The following GPR39 variants were observed in gnomAD, a reference collection of about 807,000 sequenced individuals.
The protein encoded by GPR39 is zinc sensing receptor.
In GPR39, 23 loss-of-function variants were observed where a neutral mutation model predicts 18.4. The ratio of observed to expected loss-of-function variants is 1.25; its 90% CI spans 0.90 to 1.77. The LOEUF (loss-of-function observed/expected upper bound fraction) is 1.77. Ranked by LOEUF, GPR39 falls within the 40% of genes most tolerant of loss-of-function variation. The pLI is 0.00. For synonymous variants in GPR39, 280 were observed against 257.9 expected (o/e 1.09, Z -0.82); for missense variants, 647 against 602.4 (o/e 1.07, Z -0.78).
chr2:132,447,200 C>G (rs917101384), intron 1 of GPR39, among the ~76,000 whole-genome samples: 3 of 152,106 alleles, frequency 2.0e-5, no homozygotes, highest in African/African-American at 7.2e-5. Context: ...TTACTAACAC[C>G]TCCTAAGTCC....
intron 1 of GPR39, among the ~76,000 whole-genome samples, chr2:132,518,471 G>T (rs1244175309): frequency 6.6e-6 from 1 of 152,136 alleles, no homozygotes; most frequent in Admixed American, 6.5e-5. Context: ...TGTGTTTGAG[G>T]TCTGGTGGTG....
chr2:132,569,917 T>C (rs1342418807), intron 1 of GPR39, among the ~76,000 whole-genome samples: 1 of 152,216 alleles, frequency 6.6e-6, no homozygotes, highest in African/African-American at 2.4e-5. Context: ...CCTTCTGTCA[T>C]GATTGTGAGG....
intron 1 of GPR39, among the ~76,000 whole-genome samples, chr2:132,610,777 C>CAAAAAAAAAAAA (rs34611787): frequency 2.3e-5 from 2 of 88,726 alleles, no homozygotes; most frequent in African/African-American, 9.1e-5. Flanking sequence ...ACTCTGTCTC[C>CAAAAAAAAAAAA]AAAAAAAAAA....
chr2:132,549,571 G>A (rs987275077), intron 1 of GPR39, among the ~76,000 whole-genome samples: 5 of 152,148 alleles, frequency 3.3e-5, no homozygotes, highest in Admixed American at 6.5e-5. Flanking sequence ...GGTGTATCAC[G>A]AGGTCAGGAG....
intron 1 of GPR39, among the ~76,000 whole-genome samples, chr2:132,638,586 G>T (rs1046684540): frequency 1.3e-5 from 2 of 152,202 alleles, no homozygotes; most frequent in African/African-American, 4.8e-5. Context: ...CTAAACCAAG[G>T]TTGGTGCTGA....
intron 1 of GPR39, among the ~76,000 whole-genome samples, chr2:132,641,504 A>G (rs1479634542): frequency 1.3e-5 from 2 of 152,154 alleles, no homozygotes; most frequent in Non-Finnish European, 1.5e-5. Context: ...GTGCTGTCCA[A>G]TACTGTAGAC....
intron 1 of GPR39, among the ~76,000 whole-genome samples, chr2:132,587,834 C>A (rs967078413): frequency 6.6e-6 from 1 of 152,194 alleles, no homozygotes; most frequent in African/African-American, 2.4e-5. Context: ...TGCGCCCAGC[C>A]TAGATTTGTC....
chr2:132,499,393 T>C (rs1681710596), intron 1 of GPR39, among the ~76,000 whole-genome samples: 1 of 152,214 alleles, frequency 6.6e-6, no homozygotes. Flanking sequence ...ATTTCTGGGT[T>C]CTGTTCCCTT....
chr2:132,515,887 A>G (rs1679323755), intron 1 of GPR39, among the ~76,000 whole-genome samples: 1 of 152,176 alleles, frequency 6.6e-6, no homozygotes, highest in South Asian at 2.1e-4. Flanking sequence ...GTATTTCTGC[A>G]TGACTGTCCG....
At chr2:132,535,336 T>G (rs1679733965) in intron 1 of GPR39, among the ~76,000 whole-genome samples, 2 of 152,232 alleles carry the variant, frequency 1.3e-5, no homozygotes, top group Admixed American at 1.3e-4. Flanking sequence ...GTGGTTTTTG[T>G]GTTTATTTCT....
intron 1 of GPR39, among the ~76,000 whole-genome samples, chr2:132,424,626 T>A (rs1345301547): frequency 6.6e-6 from 1 of 152,228 alleles, no homozygotes; most frequent in Non-Finnish European, 1.5e-5. Context: ...CAGTTCCAGA[T>A]GAAACCATAG....
At chr2:132,540,386 G>A (rs1470517727) in intron 1 of GPR39, among the ~76,000 whole-genome samples, 1 of 152,072 alleles carries the variant, frequency 6.6e-6, no homozygotes, top group Non-Finnish European at 1.5e-5. Flanking sequence ...AAGGAGCTTA[G>A]CCATCTCCAT....
intron 1 of GPR39, among the ~76,000 whole-genome samples, chr2:132,451,946 C>T (rs953666382): frequency 6.6e-6 from 1 of 152,180 alleles, no homozygotes; most frequent in Non-Finnish European, 1.5e-5. Flanking sequence ...TGGCTGAAAA[C>T]TTCTTCCCCT....
At chr2:132,621,515 G>C (rs1681441265) in intron 1 of GPR39, among the ~76,000 whole-genome samples, 1 of 152,208 alleles carries the variant, frequency 6.6e-6, no homozygotes, top group Non-Finnish European at 1.5e-5. Flanking sequence ...TCTACCATCA[G>C]CACTGCCAGC....
chr2:132,563,495 A>G (rs1339500194), intron 1 of GPR39, among the ~76,000 whole-genome samples: 2 of 152,176 alleles, frequency 1.3e-5, no homozygotes, highest in African/African-American at 4.8e-5. Context: ...TAAAAATAAA[A>G]TGAGTATCCT....
chr2:132,527,661 T>C (rs993520060), intron 1 of GPR39, among the ~76,000 whole-genome samples: 3 of 152,258 alleles, frequency 2.0e-5, no homozygotes, highest in Non-Finnish European at 4.4e-5. Context: ...TATCTCATTG[T>C]GGTTTTGATT....
chr2:132,513,622 CTCTT>C (rs1358938370), intron 1 of GPR39, among the ~76,000 whole-genome samples: 2 of 152,248 alleles, frequency 1.3e-5, no homozygotes, highest in African/African-American at 2.4e-5. Flanking sequence ...TTCGCTTTCT[CTCTT>C]CTCCCTGGAT....
intron 1 of GPR39, among the ~76,000 whole-genome samples, chr2:132,540,494 G>A (rs992690243): frequency 1.3e-5 from 2 of 152,130 alleles, no homozygotes; most frequent in East Asian, 3.9e-4. Context: ...ACTCCTACTG[G>A]AGACCCCTGT....
Position 132,499,580 on chromosome 2 carries a change from A to G in GPR39, c.856+81682A>G, listed in dbSNP as rs578017477. Among the ~76,000 whole-genome samples, 5 of 152,072 alleles carry G rather than the reference A, an allele frequency of 3.3e-5. No individual in the cohort carries two copies. The East Asian group carries it at 9.7e-4, about 29-fold the overall frequency. The stretch of plus-strand genomic sequence containing the variant: ...TCTTTTTTGATTCCATATGAATTTT[A>G]GGATTGTTTTTCCTAGTTAAGAATG... On this transcript the variant is annotated intron_variant, in intron 1 of 1. Transcript: ENST00000329321.
Sources: allele counts gnomAD v4.1 joint callset (sites outside exome capture counted in the v4.1 genomes callset), GRCh38; gene constraint gnomAD v4.1.1; transcripts MANE v1.5; gene names NCBI Gene and HGNC (gene_info 2026-07-23, HGNC 2026-07-21).